The following CTSE variants were observed in gnomAD, a reference collection of about 807,000 sequenced individuals.
CTSE encodes the protein cathepsin E.
In CTSE, 43 loss-of-function variants were observed where a neutral mutation model predicts 42.8. The observed-to-expected ratio is 1.01, with a 90% CI of 0.79 to 1.30. The LOEUF is 1.30. Among genes scored for constraint, CTSE ranks in the 50% most tolerant of loss-of-function variants. The probability of loss-of-function intolerance (pLI) is 0.00; values close to 1 mark genes in which losing one functional copy is unlikely to be tolerated. For synonymous variants in CTSE, 205 were observed against 191.5 expected (o/e 1.07, Z -0.58); for missense variants, 532 against 493.5 (o/e 1.08, Z -0.74).
At chr1:206,017,765 CTG>C (rs1661302186) in intron 4 of CTSE, among the ~76,000 whole-genome samples, 1 of 152,210 alleles carries the variant, frequency 6.6e-6, no homozygotes, top group Middle Eastern at 3.4e-3. Flanking sequence ...GCGTGAGCCA[CTG>C]TGCCTGGCCC....
chr1:206,022,162 T>A lies in CTSE; in HGVS notation c.331A>T (p.Ser111Cys), dbSNP rs141769778. 235 of 1,602,430 alleles carry A rather than the reference T, an allele frequency of 1.5e-4. 1 individual carries two copies. The highest frequency in any genetic ancestry group is 5.0e-5 in the Admixed American group (3 of 59,538). ...NLWVPSVYCT[S>C]PACKTHSRFQ... is the part of the protein sequence containing the mutation. ...TGGCCCCACTTACTGCAGGCTGGGC[T>A]AGTGCAGTACACAGAGGGGACCCAG... Residue 111 changes from serine (S) to cysteine (C), a missense_variant, in exon 3 of 9, where the codon AGC becomes TGC. Physicochemically the swap from Ser to Cys is moderately radical, Grantham distance 112 (BLOSUM62 -1). Coordinates refer to ENST00000358184, the MANE Select transcript of CTSE (RefSeq NM_001910.4).
At chr1:206,016,218 G>A (rs1253293440) in intron 4 of CTSE, 88 bp from the exon 5 acceptor site, 8 of 1,223,528 alleles carry the variant, frequency 6.5e-6, no homozygotes, top group Non-Finnish European at 9.6e-6. Context: ...CCTCTGTCTT[G>A]AAGCTAATGC....
At chr1:206,023,152 T>C in intron 1 of CTSE, 95 bp from the exon 2 acceptor site, 1 of 366,864 alleles carries the variant, frequency 2.7e-6, no homozygotes, top group South Asian at 2.1e-5. Flanking sequence ...CTAGAGAAGA[T>C]GGGGTGGGAG....
Position 206,016,066 on chromosome 1 carries a change from A to C in CTSE, c.527T>G (p.Phe176Cys), listed in dbSNP as rs1553277691. Reference protein sequence around the residue: ...GESVTEPGQTFVDAEFDGILG... With the variant: ...GESVTEPGQTCVDAEFDGILG... The stretch of plus-strand genomic sequence containing the variant: ...AATTCCATCAAACTCTGCATCCACA[A>C]AGGTCTGGCCTGGCTCTGTGACACT... Residue 176 changes from phenylalanine (F) to cysteine (C), a missense_variant, in exon 5 of 9, where the codon TTT becomes TGT. Transcript: ENST00000358184. 1 of 1,613,852 alleles carries C rather than the reference A, an allele frequency of 6.2e-7. No homozygotes were observed. Among genetic ancestry groups the C allele is most frequent in the Non-Finnish European group, 8.5e-7 (1 of 1,179,898 alleles).
At position 206,023,841 on chromosome 1, in the gene CTSE, C is replaced by A; in HGVS notation, c.-50G>T. 6.3e-7 allele frequency: 1 copy of A among 1,591,688 alleles called. No individual in the cohort carries two copies. Among genetic ancestry groups the A allele is most frequent in the Non-Finnish European group, 8.6e-7 (1 of 1,160,638 alleles). On this transcript the variant is annotated 5_prime_UTR_variant, in exon 1 of 9. Transcript: ENST00000358184. ...CCTTGCCCCCTCCTTTCTTCTCTCC[C>A]CGAGGGCAGTGGGAACGGACTTTCC...
At chr1:206,019,777 TG>T (rs1661360794) in intron 4 of CTSE, among the ~76,000 whole-genome samples, 1 of 145,544 alleles carries the variant, frequency 6.9e-6, no homozygotes, top group Non-Finnish European at 1.5e-5. Context: ...ACATATATAT[TG>T]TGTTAATCTA....
Position 206,012,590 on chromosome 1 carries a change from G to C in CTSE, c.845C>G (p.Thr282Arg), listed in dbSNP as rs781870703. ...AGGGCCAGTGATGAGGGAAGTCCCT[G>C]TGTCCACAATGGCCTGGCAGCCCTC... is the stretch of plus-strand genomic sequence containing the variant. ...CSEGCQAIVD[T>R]GTSLITGPSD... Residue 282 changes from threonine (T) to arginine (R), a missense_variant, in exon 7 of 9, where the codon ACA becomes AGA. Thr to Arg is a moderately conservative substitution (Grantham distance 71). Transcript: ENST00000358184. 1 of 1,613,992 alleles carries C rather than the reference G, an allele frequency of 6.2e-7. No individual in the cohort carries two copies. The highest frequency in any genetic ancestry group is 8.5e-7 in the Non-Finnish European group (1 of 1,179,916).
intron 6 of CTSE, 60 bp downstream of exon 6, chr1:206,013,712 G>A: frequency 6.3e-7 from 1 of 1,578,412 alleles, no homozygotes; most frequent in African/African-American, 1.3e-5. Flanking sequence ...AAATCGGTTT[G>A]AGTTGTGCCT....
chr1:206,022,572 G>A (rs1661471763), intron 2 of CTSE, among the ~76,000 whole-genome samples: 1 of 152,034 alleles, frequency 6.6e-6, no homozygotes, highest in Non-Finnish European at 1.5e-5. Context: ...ACAGACCAGG[G>A]AACTGGGGCT....
At chr1:206,023,606 G>A (rs1459613044) in intron 1 of CTSE, 118 bp downstream of exon 1, 11 of 918,562 alleles carry the variant, frequency 1.2e-5, no homozygotes, top group East Asian at 5.0e-5. Context: ...ATGCATTGAC[G>A]CAAGCCCTCA....
intron 2 of CTSE, 85 bp downstream of exon 2, chr1:206,022,815 CT>C (rs1558155985): frequency 7.9e-7 from 1 of 1,271,394 alleles, no homozygotes. Flanking sequence ...GCCTTCGGTG[CT>C]ACTGATGTGG....
At position 206,013,873 on chromosome 1, in the gene CTSE, C is replaced by A. The variant is rs530246197; in HGVS notation, c.684G>T (p.Gly228=). Residue 228 remains glycine (G), a synonymous_variant, in exon 6 of 9, where the codon GGG becomes GGT. Transcript: ENST00000358184. ...CGTAGCCTCCAAAAATCAGCTCGCTCCCCGCACCACCTTCTGGGTTACTAC... is the reference window on the plus strand; with the variant it reads ...CGTAGCCTCCAAAAATCAGCTCGCTACCCGCACCACCTTCTGGGTTACTAC... The part of the protein sequence containing the change: ...YMSSNPEGGA[G]SELIFGGYDH... 6.1e-4 allele frequency: 989 copies of A among 1,613,752 alleles called. 10 individuals are homozygous for A. In the East Asian group the frequency reaches 7.8e-3, roughly 13 times the overall value.
chr1:206,012,271 G>T, intron 8 of CTSE, 37 bp downstream of exon 8: 1 of 1,534,586 alleles, frequency 6.5e-7, no homozygotes. Context: ...ATGTGGGGAG[G>T]GCCCTGTGGC....
intron 4 of CTSE, 41 bp from the exon 5 acceptor site, chr1:206,016,171 A>G (rs1553277713): frequency 6.3e-7 from 1 of 1,583,672 alleles, no homozygotes; most frequent in Admixed American, 1.7e-5. Context: ...AGAATGGCAC[A>G]GGGGATTGCT....
rs117138646 is a variant in CTSE at position 206,012,924 on chromosome 1, G to A, written c.786-275C>T. ...AAAAATGTAGGTGTCTCAATCTCTT[G>A]ACCTTGTGATCCACCTGCCTCGGCC... On this transcript the variant is annotated intron_variant, in intron 6 of 8. Transcript: ENST00000358184. 2.6e-5 allele frequency among the ~76,000 whole-genome samples: 4 copies of A among 152,122 alleles called. No homozygotes were observed. In the East Asian group the frequency reaches 5.8e-4, roughly 22 times the overall value.
chr1:206,016,617 G>A (rs1661271995), intron 4 of CTSE, among the ~76,000 whole-genome samples: 1 of 152,014 alleles, frequency 6.6e-6, no homozygotes, highest in Admixed American at 6.6e-5. Context: ...ATGTGATAAT[G>A]TGTAAGGTAG....
At chr1:206,013,632 C>A in intron 6 of CTSE, 140 bp downstream of exon 6, 1 of 1,066,946 alleles carries the variant, frequency 9.4e-7, no homozygotes, top group East Asian at 2.4e-5. Context: ...CACACTTGCT[C>A]AGCACCTCCA....
rs1019763031 is a variant in CTSE at position 206,016,268 on chromosome 1, A to T, written c.463-138T>A. On this transcript the variant is annotated intron_variant, in intron 4 of 8. Coordinates refer to ENST00000358184, the MANE Select transcript of CTSE (RefSeq NM_001910.4). ...TTTCCTTGACTAAATGAGCACAAAG[A>T]TGCTTGCTATATTCCCAAAAAACAG... 37 of 750,258 alleles carry T rather than the reference A, an allele frequency of 4.9e-5. No individual in the cohort carries two copies. The African/African-American group carries it at 5.4e-4, about 11-fold the overall frequency. The allele number at this position is 750,258 out of a possible 1,614,324, so 46.5% of individuals were successfully genotyped here.
At chr1:206,012,143 AC>A (rs1661117489) in intron 8 of CTSE, among the ~76,000 whole-genome samples, 164 bp downstream of exon 8, 2 of 152,074 alleles carry the variant, frequency 1.3e-5, no homozygotes, top group African/African-American at 4.8e-5. Flanking sequence ...TGGTCTTTCC[AC>A]CACAGGCAGC....
Sources: gnomAD v4.1 joint callset for allele counts (sites outside exome capture counted in the v4.1 genomes callset) on GRCh38, gnomAD v4.1.1 for gene constraint, MANE v1.5 for transcripts, NCBI Gene and HGNC (gene_info 2026-07-23, HGNC 2026-07-21) for gene names.